Variants in CDH12 observed in about 807,000 individuals in gnomAD.
CDH12 encodes cadherin-12.
A neutral mutation model predicts 74.1 loss-of-function variants in CDH12; 41 were observed. The observed-to-expected ratio is 0.55, with a 90% CI of 0.43 to 0.72. CDH12 has a LOEUF of 0.72. Among genes scored for constraint, CDH12 ranks in the 30% least tolerant of loss-of-function variants. The pLI is 0.00. For synonymous variants in CDH12, 399 were observed against 355.0 expected, an observed-to-expected ratio of 1.12 and a Z score of -1.39; for missense variants, 945 against 977.2, an observed-to-expected ratio of 0.97 and a Z score of 0.44.
At chr5:22,190,345 C>A (rs1561204246) in intron 4 of CDH12, among the ~76,000 whole-genome samples, 1 of 146,116 alleles carries the variant, frequency 6.8e-6, no homozygotes, top group Non-Finnish European at 1.5e-5. Context: ...TTCATGCCTC[C>A]ATCTGTCTGT....
chr5:22,039,030 C>A (rs1739385547), intron 5 of CDH12, among the ~76,000 whole-genome samples: 1 of 152,108 alleles, frequency 6.6e-6, no homozygotes, highest in African/African-American at 2.4e-5. Flanking sequence ...GCCACTGCCC[C>A]AACAGGGTTC....
chr5:22,605,026 A>G (rs898497463), intron 1 of CDH12, among the ~76,000 whole-genome samples: 1 of 151,694 alleles, frequency 6.6e-6, no homozygotes, highest in African/African-American at 2.4e-5. Flanking sequence ...CAACTTGGAC[A>G]TTGTTTTTGG....
At chr5:22,092,457 A>G (rs572380415) in intron 4 of CDH12, among the ~76,000 whole-genome samples, 30 of 152,216 alleles carry the variant, frequency 2.0e-4, no homozygotes, top group Admixed American at 6.5e-4. Context: ...AGGGCTTTGA[A>G]TAGACATTTC....
At chr5:22,239,028 T>A (rs989482288) in intron 3 of CDH12, among the ~76,000 whole-genome samples, 6 of 152,194 alleles carry the variant, frequency 3.9e-5, no homozygotes, top group Admixed American at 3.3e-4. Flanking sequence ...AAATGACATA[T>A]AAGAATTTCT....
chr5:21,923,336 T>G (rs1230276026), intron 6 of CDH12, among the ~76,000 whole-genome samples: 1 of 152,166 alleles, frequency 6.6e-6, no homozygotes, highest in African/African-American at 2.4e-5. Context: ...CTCTCGTGTG[T>G]GGGTGTGTGT....
intron 2 of CDH12, among the ~76,000 whole-genome samples, chr5:22,483,196 A>AT: frequency 6.6e-6 from 1 of 152,242 alleles, no homozygotes; most frequent in East Asian, 1.9e-4. Flanking sequence ...TCATGTCAAA[A>AT]TTTTTGCCAT....
At chr5:21,782,269 G>A (rs571549124) in intron 11 of CDH12, among the ~76,000 whole-genome samples, 8 of 152,258 alleles carry the variant, frequency 5.3e-5, no homozygotes, top group African/African-American at 1.9e-4. Flanking sequence ...GTGTTCCAAC[G>A]AGCAAGGCAG....
intron 1 of CDH12, among the ~76,000 whole-genome samples, chr5:22,513,456 G>T (rs750308213): frequency 3.3e-5 from 5 of 151,950 alleles, no homozygotes; most frequent in Admixed American, 6.6e-5. Flanking sequence ...ACTGAATAAT[G>T]AACATGAAAT....
chr5:22,557,314 G>C (rs376719583), intron 1 of CDH12, among the ~76,000 whole-genome samples: 2 of 152,042 alleles, frequency 1.3e-5, no homozygotes, highest in African/African-American at 4.8e-5. Flanking sequence ...AAATATGAAA[G>C]TATAACAATG....
intron 10 of CDH12, among the ~76,000 whole-genome samples, chr5:21,800,285 G>A (rs1747038929): frequency 6.6e-6 from 1 of 151,998 alleles, no homozygotes; most frequent in Admixed American, 6.6e-5. Context: ...GAGACTTTGG[G>A]GGCCCTTAGG....
At chr5:22,500,808 T>A (rs777471636) in intron 2 of CDH12, among the ~76,000 whole-genome samples, 5 of 152,178 alleles carry the variant, frequency 3.3e-5, no homozygotes, top group Non-Finnish European at 5.9e-5. Flanking sequence ...CATCTACAAC[T>A]GTGTGGTTGT....
chr5:22,081,199 A>G (rs777880797), intron 4 of CDH12, among the ~76,000 whole-genome samples: 9 of 152,188 alleles, frequency 5.9e-5, no homozygotes, highest in Non-Finnish European at 1.2e-4. Context: ...TGAATCACAA[A>G]CTGTGATTTC....
chr5:22,366,653 G>A (rs1025429891), intron 3 of CDH12, among the ~76,000 whole-genome samples: 1 of 152,140 alleles, frequency 6.6e-6, no homozygotes, highest in African/African-American at 2.4e-5. Flanking sequence ...ATGCATAGTA[G>A]TTTTTGTTAC....
At chr5:22,192,353 G>A (rs1260648973) in intron 4 of CDH12, among the ~76,000 whole-genome samples, 1 of 152,166 alleles carries the variant, frequency 6.6e-6, no homozygotes, top group Admixed American at 6.5e-5. Context: ...CTGTAAAGAC[G>A]AAATTAGGAG....
chr5:22,771,789 G>T (rs1561019653), intron 1 of CDH12, among the ~76,000 whole-genome samples: 1 of 151,918 alleles, frequency 6.6e-6, no homozygotes, highest in Admixed American at 6.6e-5. Context: ...ACAGCCTACG[G>T]ACTCAAGTTG....
intron 3 of CDH12, among the ~76,000 whole-genome samples, chr5:22,350,567 T>C (rs1004329499): frequency 6.6e-6 from 1 of 152,210 alleles, no homozygotes; most frequent in African/African-American, 2.4e-5. Context: ...GTTTGTTCAA[T>C]GTACAACTGA....
rs569757809 is a variant in CDH12, at chr5:21,914,910, A to T, written c.527-60120T>A. Among the ~76,000 whole-genome samples the T allele has an allele frequency of 3.9e-5, 6 of 152,320 alleles. No individual in the cohort carries two copies. The South Asian group carries it at 1.2e-3, about 32-fold the overall frequency. ...GGTTGAAATGAGTATTTGTTTAAAAAGTATGATATATTTGAACTATATGAT... is the reference window on the plus strand; with the variant it reads ...GGTTGAAATGAGTATTTGTTTAAAATGTATGATATATTTGAACTATATGAT... On this transcript the variant is annotated intron_variant, in intron 6 of 14. Coordinates refer to ENST00000382254, the MANE Select transcript of CDH12 (RefSeq NM_004061.5).
intron 3 of CDH12, among the ~76,000 whole-genome samples, chr5:22,304,033 G>C (rs1738002732): frequency 6.6e-6 from 1 of 151,956 alleles, no homozygotes; most frequent in Admixed American, 6.6e-5. Context: ...ACCCTTCTAG[G>C]AGTAAATATT....
At chr5:22,821,371 C>G (rs1017307446) in intron 1 of CDH12, among the ~76,000 whole-genome samples, 18 of 152,066 alleles carry the variant, frequency 1.2e-4, no homozygotes, top group South Asian at 1.0e-3. Flanking sequence ...CATAGTGTTG[C>G]AAGTTCTGGC....
Sources: allele counts gnomAD v4.1 joint callset (sites outside exome capture counted in the v4.1 genomes callset), GRCh38; gene constraint gnomAD v4.1.1; transcripts MANE v1.5; gene names NCBI Gene and HGNC (gene_info 2026-07-23, HGNC 2026-07-21).